The following TRPM1 variants were observed in gnomAD, a reference collection of about 807,000 sequenced individuals.
The protein encoded by TRPM1 is TRPM1-203 APA Isoform, Intron 10.
TRPM1 carries 113 observed loss-of-function variants against 149.4 expected under a neutral mutation model. The observed-to-expected ratio is 0.76, with a 90% CI of 0.65 to 0.88. TRPM1 has a LOEUF of 0.88. TRPM1 is among the 40% of genes least tolerant of loss of function. The pLI, the probability that TRPM1 is intolerant of heterozygous loss-of-function variation, is 0.00. For missense variants in TRPM1, 1,976 were observed against 2,038.7 expected (o/e 0.97, Z 0.59); for synonymous variants, 741 against 759.5 (o/e 0.98, Z 0.40).
At chr15:31,104,254 C>T (rs1452116832), upstream of TRPM1, among the ~76,000 whole-genome samples, 1 of 152,110 alleles carries the variant, frequency 6.6e-6, no homozygotes, top group Non-Finnish European at 1.5e-5. Flanking sequence ...AGTGTGGGGA[C>T]AGTGACCTGT....
Position 31,042,053 on chromosome 15 carries a change from G to A in TRPM1, c.1985C>T (p.Ala662Val). ...FLWQRGEESM[A>V]KALVACKLYK... Reference sequence around the variant, plus strand: ...GAGCTTGCAGGCCACCAGGGCCTTGGCCATGCTCTCTTCCCCTCGCTGCCA... The same window carrying A: ...GAGCTTGCAGGCCACCAGGGCCTTGACCATGCTCTCTTCCCCTCGCTGCCA... Residue 662 changes from alanine (A) to valine (V), a missense_variant, in exon 17 of 28, where the codon GCC becomes GTC. By Grantham distance (64) the Ala-to-Val change is moderately conservative. Coordinates refer to ENST00000256552, the MANE Select transcript of TRPM1 (RefSeq NM_001252024.2). 6.2e-7 allele frequency: 1 copy of A among 1,614,106 alleles called. No individual in the cohort carries two copies. Among genetic ancestry groups the A allele is most frequent in the Non-Finnish European group, 8.5e-7 (1 of 1,179,964 alleles).
At chr15:31,149,907 C>A (rs1014297645) in intron 1 of TRPM1, among the ~76,000 whole-genome samples, 2 of 152,216 alleles carry the variant, frequency 1.3e-5, no homozygotes, top group African/African-American at 4.8e-5. Flanking sequence ...CGAGCATTGA[C>A]GATTTGGTAG....
intron 27 of TRPM1, among the ~76,000 whole-genome samples, chr15:31,006,539 A>G (rs562398432): frequency 1.3e-5 from 2 of 152,216 alleles, no homozygotes; most frequent in Non-Finnish European, 2.9e-5. Context: ...GGTTGTTTCC[A>G]TTATTTGGCA....
chr15:31,087,230 G>GGTT (rs1486533022), intron 1 of TRPM1, among the ~76,000 whole-genome samples: 1 of 87,458 alleles, frequency 1.1e-5, no homozygotes, highest in Non-Finnish European at 2.3e-5. Flanking sequence ...TCTCAATAGG[G>GGTT]ATTTTTTTTT....
At chr15:31,062,165 T>G (rs1409461392) in intron 9 of TRPM1, among the ~76,000 whole-genome samples, 1 of 152,232 alleles carries the variant, frequency 6.6e-6, no homozygotes, top group Non-Finnish European at 1.5e-5. Context: ...ATTAGAATTT[T>G]GAAGAGGCCA....
intron 1 of TRPM1, among the ~76,000 whole-genome samples, chr15:31,088,623 T>G (rs775594755): frequency 6.6e-6 from 1 of 152,128 alleles, no homozygotes; most frequent in African/African-American, 2.4e-5. Context: ...GTAGGAAACA[T>G]CTGAAGGAAC....
intron 1 of TRPM1, among the ~76,000 whole-genome samples, chr15:31,135,178 T>C (rs950529758): frequency 5.3e-5 from 8 of 152,188 alleles, no homozygotes; most frequent in Admixed American, 1.3e-4. Flanking sequence ...TATGATGCCA[T>C]CTTTAGAAGT....
At chr15:31,028,298 T>A (rs758889181) in intron 25 of TRPM1, 34 bp downstream of exon 25, 2 of 1,613,624 alleles carry the variant, frequency 1.2e-6, no homozygotes, top group Admixed American at 3.3e-5. Flanking sequence ...CAGTAATAAA[T>A]AATAAGCATG....
Position 31,040,289 on chromosome 15 carries a change from C to A in TRPM1, c.2145G>T (p.Gln715His). Residue 715 changes from glutamine (Q) to histidine (H), a missense_variant, in exon 18 of 28, where the codon CAG becomes CAT. By Grantham distance (24) the Gln-to-His change is conservative. Coordinates refer to ENST00000256552, the MANE Select transcript of TRPM1 (RefSeq NM_001252024.2). This position sits in a 1 kb window ranked among gnomAD's most constrained non-coding sequence, Gnocchi z 4.2. The part of the protein sequence containing the change: ...LLDQSYKHDE[Q>H]IAMKLLTYEL... Reference sequence around the variant, plus strand: ...CGTAGGTCAGGAGTTTCATAGCGATCTGCTCGTCATGCTTATAGGACTGGT... The same window carrying A: ...CGTAGGTCAGGAGTTTCATAGCGATATGCTCGTCATGCTTATAGGACTGGT... 1 of 1,614,222 alleles carries A rather than the reference C, an allele frequency of 6.2e-7. No homozygotes were observed. The highest frequency in any genetic ancestry group is 1.3e-5 in the African/African-American group (1 of 75,044).
At position 31,113,200 on chromosome 15, in the gene TRPM1, T is replaced by C. The variant is rs533968390; in HGVS notation, c.55-36216A>G. Among the ~76,000 whole-genome samples the C allele has an allele frequency of 4.6e-5, 7 of 152,242 alleles. No individual in the cohort carries two copies. The South Asian group carries it at 1.2e-3, about 27-fold the overall frequency. ...CGGCCCACCTTCTCCAGCTGGTGAA[T>C]GGTAACTCACAGGAGTGAATCTCCC... On this transcript the variant is annotated intron_variant, in intron 1 of 26. Transcript: ENST00000542188.
At chr15:31,075,938 G>A (rs1320542623) in intron 3 of TRPM1, among the ~76,000 whole-genome samples, 1 of 150,954 alleles carries the variant, frequency 6.6e-6, no homozygotes, top group Admixed American at 6.6e-5. Context: ...AAGGAGGCTT[G>A]TATGTGAGCC....
At chr15:31,141,290 C>G (rs968008603) in intron 1 of TRPM1, among the ~76,000 whole-genome samples, 2 of 151,984 alleles carry the variant, frequency 1.3e-5, no homozygotes, top group Non-Finnish European at 2.9e-5. Context: ...ATTTCCTAGG[C>G]TTTCACTAGA....
At chr15:31,157,040 T>C (rs918475613) in intron 1 of TRPM1, among the ~76,000 whole-genome samples, 1 of 146,230 alleles carries the variant, frequency 6.8e-6, no homozygotes, top group Non-Finnish European at 1.5e-5. Flanking sequence ...AGCCTCCTAA[T>C]ACCTGGGACT....
chr15:31,159,575 TG>T (rs2036420113), intron 1 of TRPM1, among the ~76,000 whole-genome samples: 1 of 152,230 alleles, frequency 6.6e-6, no homozygotes, highest in South Asian at 2.1e-4. Flanking sequence ...AGCAGATATA[TG>T]CGCCTGTCCC....
chr15:31,128,639 A>G (rs2035980939), intron 1 of TRPM1, among the ~76,000 whole-genome samples: 1 of 152,176 alleles, frequency 6.6e-6, no homozygotes, highest in Non-Finnish European at 1.5e-5. Flanking sequence ...AAGCCACCGC[A>G]TCACTGACGG....
At chr15:31,090,065 A>G (rs1467353768) in intron 1 of TRPM1, among the ~76,000 whole-genome samples, 1 of 152,238 alleles carries the variant, frequency 6.6e-6, no homozygotes, top group African/African-American at 2.4e-5. Context: ...TTGAAACAAA[A>G]AAGTGATTAT....
At chr15:31,152,569 G>A (rs2036318225) in intron 1 of TRPM1, among the ~76,000 whole-genome samples, 1 of 152,194 alleles carries the variant, frequency 6.6e-6, no homozygotes, top group South Asian at 2.1e-4. Flanking sequence ...CGGGAAGCAG[G>A]GGATTTGGAC....
intron 1 of TRPM1, among the ~76,000 whole-genome samples, chr15:31,153,846 C>G (rs1290375348): frequency 5.9e-5 from 9 of 152,222 alleles, no homozygotes; most frequent in Non-Finnish European, 8.8e-5. Context: ...TGAGACTTGT[C>G]TCAGATACTT....
In TRPM1 at chr15:31,002,935, ATT is replaced by A. The variant is rs754615589; in HGVS notation, c.3763_3764del (p.Asn1255SerfsTer8). The A allele has an allele frequency of 5.0e-6, 8 of 1,602,918 alleles. No individual in the cohort carries two copies. The highest frequency in any genetic ancestry group is 6.8e-6 in the Non-Finnish European group (8 of 1,172,998). ...GGTCAGACCTGTCGATTCCCGCAAG[ATT>A]TTCAAGAGCATTCACCATTCTGTTA... ...LSNRMVNALE[N>X]LAGIDRSDLI... On this transcript the variant is annotated frameshift_variant, in exon 28 of 28. Coordinates refer to ENST00000256552, the MANE Select transcript of TRPM1 (RefSeq NM_001252024.2). LOFTEE classifies it low-confidence loss of function (END_TRUNC).
Sources: allele counts gnomAD v4.1 joint callset (sites outside exome capture counted in the v4.1 genomes callset), GRCh38; gene constraint gnomAD v4.1.1; non-coding constraint Gnocchi (gnomAD v3.1); transcripts MANE v1.5; gene names NCBI Gene and HGNC (gene_info 2026-07-23, HGNC 2026-07-21).